WIPF1: variants seen among roughly 807,000 people sequenced by gnomAD.
The protein encoded by WIPF1 is WAS/WASL interacting protein family member 1, also known as WAS/WASL-interacting protein family member 1.
Under a neutral mutation model 35.4 loss-of-function variants are expected in WIPF1, and 13 were observed. The ratio of observed to expected loss-of-function variants is 0.37; its 90% CI spans 0.24 to 0.58. WIPF1 has a LOEUF of 0.58. WIPF1 is among the 20% of genes least tolerant of loss of function. The pLI is 0.74. For synonymous variants in WIPF1, 267 were observed against 266.3 expected (o/e 1.00, Z -0.02); for missense variants, 591 against 667.0 (o/e 0.89, Z 1.25).
chr2:174,619,114 C>A (rs545797108), intron 1 of WIPF1, among the ~76,000 whole-genome samples: 3 of 152,094 alleles, frequency 2.0e-5, no homozygotes, highest in Non-Finnish European at 2.9e-5. Flanking sequence ...CCACCATGCC[C>A]AGCTGTTTCT....
At position 174,674,509 on chromosome 2, in the gene WIPF1, GTGTTT is replaced by G. The variant is rs142655260; in HGVS notation, c.-39+8260_-39+8264del. Among the ~76,000 whole-genome samples, 159 of 152,276 alleles carry G rather than the reference GTGTTT, an allele frequency of 1.0e-3. 3 individuals carry two copies. The East Asian group carries it at 0.025, about 24-fold the overall frequency. ...TTACTTTACTATAAACAGAAATCAA[GTGTTT>G]TGTTTTATTTCAATACAGAACAATT... On this transcript the variant is annotated intron_variant, in intron 1 of 8. Coordinates refer to the WIPF1 transcript ENST00000272746.
intron 2 of WIPF1, among the ~76,000 whole-genome samples, chr2:174,584,285 G>T (rs1685330062): frequency 6.6e-6 from 1 of 152,144 alleles, no homozygotes; most frequent in South Asian, 2.1e-4. Context: ...TCACTTTGGG[G>T]ACTCTTAAAA....
intron 1 of WIPF1, among the ~76,000 whole-genome samples, chr2:174,616,508 T>C (rs1686510202): frequency 6.6e-6 from 1 of 152,086 alleles, no homozygotes; most frequent in Non-Finnish European, 1.5e-5. Flanking sequence ...CAGTCTTCCT[T>C]CCACAGTGTG....
intron 4 of WIPF1, chr2:174,574,603 C>T (rs1189216809): frequency 2.7e-6 from 1 of 371,550 alleles, no homozygotes; most frequent in Non-Finnish European, 4.8e-6. Flanking sequence ...AGTTTTTTAT[C>T]TAGGCATTCA....
upstream of WIPF1, among the ~76,000 whole-genome samples, chr2:174,602,206 T>G (rs879791351): frequency 6.6e-6 from 1 of 152,160 alleles, no homozygotes; most frequent in Non-Finnish European, 1.5e-5. Context: ...ATCCTCCATA[T>G]TAATCTATAG....
intron 1 of WIPF1, among the ~76,000 whole-genome samples, chr2:174,674,476 G>A (rs1688088246): frequency 6.6e-6 from 1 of 152,098 alleles, no homozygotes; most frequent in Non-Finnish European, 1.5e-5. Flanking sequence ...GAATTGAAAG[G>A]TCTACATTTA....
At chr2:174,584,741 G>A (rs980349377) in intron 2 of WIPF1, among the ~76,000 whole-genome samples, 3 of 152,026 alleles carry the variant, frequency 2.0e-5, no homozygotes, top group Non-Finnish European at 4.4e-5. Context: ...GTGAAACCCC[G>A]TCCATACTAA....
intron 1 of WIPF1, among the ~76,000 whole-genome samples, chr2:174,639,568 T>C (rs1036682364): frequency 1.3e-5 from 2 of 151,900 alleles, no homozygotes; most frequent in African/African-American, 4.8e-5. Flanking sequence ...GTTTTTTTGT[T>C]TTTGGTTTTT....
At chr2:174,581,867 A>G (rs983502651) in intron 2 of WIPF1, among the ~76,000 whole-genome samples, 1 of 152,220 alleles carries the variant, frequency 6.6e-6, no homozygotes, top group African/African-American at 2.4e-5. Context: ...AGTGCAAGGG[A>G]AAAACTGTCT....
chr2:174,675,263 T>C lies in WIPF1; in HGVS notation c.-39+7511A>G, dbSNP rs536177764. Among the ~76,000 whole-genome samples the C allele has an allele frequency of 2.0e-5, 3 of 152,342 alleles. No homozygotes were observed. The South Asian group carries it at 6.2e-4, about 32-fold the overall frequency. ...AGGGAGATAGGAGAAATTTATTAAC[T>C]TTATATATTTCCATTTTCTTGTCTT... is the stretch of plus-strand genomic sequence containing the variant. On this transcript the variant is annotated intron_variant, in intron 1 of 8. Coordinates refer to the WIPF1 transcript ENST00000272746.
At chr2:174,603,161 A>T (rs1476062807) in intron 1 of WIPF1, among the ~76,000 whole-genome samples, 1 of 152,242 alleles carries the variant, frequency 6.6e-6, no homozygotes, top group Non-Finnish European at 1.5e-5. Context: ...AACCAAGACC[A>T]ACAAAATGGG....
rs555036949 is a variant in WIPF1, at chr2:174,610,216, C to T, written c.-38-24605G>A. Among the ~76,000 whole-genome samples, 6 of 152,318 alleles carry T rather than the reference C, an allele frequency of 3.9e-5. No individual in the cohort carries two copies. The South Asian group carries it at 6.2e-4, about 16-fold the overall frequency. On this transcript the variant is annotated intron_variant, in intron 1 of 8. Transcript: ENST00000272746. ...TATGTTGTTCCTTTAACTCCAAATA[C>T]GTATGCAGGGGTGGTGGTAGGATCA... is the stretch of plus-strand genomic sequence containing the variant.
At chr2:174,583,444 G>C (rs956095962) in intron 2 of WIPF1, among the ~76,000 whole-genome samples, 1 of 152,096 alleles carries the variant, frequency 6.6e-6, no homozygotes, top group Admixed American at 6.5e-5. Context: ...TGACCTCCCT[G>C]GGTGCTAACT....
rs575271872 is a variant in WIPF1 at position 174,671,348 on chromosome 2, C to T, written c.-39+11426G>A. 9.8e-5 allele frequency among the ~76,000 whole-genome samples: 15 copies of T among 152,318 alleles called. No homozygotes were observed. In the South Asian group the frequency reaches 1.9e-3, roughly 19 times the overall value. ...TGTCTTTACTTTAATCTCTTAATCC[C>T]GTCATTTTCGTAAGCTGAGGATGTA... On this transcript the variant is annotated intron_variant, in intron 1 of 8. Coordinates refer to the WIPF1 transcript ENST00000272746.
intron 7 of WIPF1, among the ~76,000 whole-genome samples, chr2:174,564,828 C>A (rs1344571406): frequency 6.6e-6 from 1 of 151,168 alleles, no homozygotes; most frequent in African/African-American, 2.4e-5. Flanking sequence ...CACACACACA[C>A]ACACACACAC....
upstream of WIPF1, among the ~76,000 whole-genome samples, chr2:174,602,757 C>T (rs1204051336): frequency 6.6e-6 from 1 of 152,138 alleles, no homozygotes; most frequent in Admixed American, 6.5e-5. Flanking sequence ...GTATTCTGCA[C>T]CCTGTTAATA....
intron 1 of WIPF1, among the ~76,000 whole-genome samples, chr2:174,668,440 T>C (rs1049136863): frequency 9.9e-5 from 15 of 152,150 alleles, no homozygotes; most frequent in African/African-American, 3.6e-4. Flanking sequence ...CAGTTGAGTA[T>C]TATATTCCTT....
intron 1 of WIPF1, among the ~76,000 whole-genome samples, chr2:174,678,999 C>T: frequency 6.6e-6 from 1 of 152,236 alleles, no homozygotes; most frequent in Non-Finnish European, 1.5e-5. Context: ...GGAATGCCAA[C>T]AGTATTTTGT....
At chr2:174,589,950 T>C (rs1038315173) in intron 1 of WIPF1, among the ~76,000 whole-genome samples, 4 of 152,196 alleles carry the variant, frequency 2.6e-5, no homozygotes, top group African/African-American at 7.2e-5. Flanking sequence ...CTGGGAGTGG[T>C]GACTTATGCC....
Sources: allele counts gnomAD v4.1 joint callset (sites outside exome capture counted in the v4.1 genomes callset), GRCh38; gene constraint gnomAD v4.1.1; transcripts MANE v1.5; gene names NCBI Gene and HGNC (gene_info 2026-07-23, HGNC 2026-07-21).